SYNM: variants seen among roughly 807,000 people sequenced by gnomAD.
SYNM encodes the protein synemin, also known as desmuslin.
Under a neutral mutation model 104.0 loss-of-function variants are expected in SYNM, and 95 were observed. That is an observed-to-expected ratio of 0.91 (90% CI 0.77 to 1.08). SYNM has a LOEUF of 1.08. Ranked by LOEUF, SYNM falls within the 50% of genes least tolerant of loss-of-function variation. The pLI is 0.00. For missense variants in SYNM, 2,150 were observed against 2,052.2 expected, an observed-to-expected ratio of 1.05 and a Z score of -0.92; for synonymous variants, 918 against 869.0, an observed-to-expected ratio of 1.06 and a Z score of -0.99.
chr15:99,112,899 C>T (rs192711941), intron 1 of SYNM, among the ~76,000 whole-genome samples: 3 of 152,154 alleles, frequency 2.0e-5, no homozygotes, highest in Admixed American at 2.0e-4. Flanking sequence ...TCAGTAGAGA[C>T]AGGGTTTTGC....
rs1203197911 is a variant in SYNM, at chr15:99,105,818, C to T, written c.619C>T (p.Arg207Cys). Reference protein sequence around the residue: ...ETVQLYEDEVRELEEALRRGQ... With the variant: ...ETVQLYEDEVCELEEALRRGQ... Reference sequence around the variant, plus strand: ...GGTGCAGCTGTACGAGGACGAGGTGCGCGAGCTGGAGGAGGCGCTGCGGCG... The same window carrying T: ...GGTGCAGCTGTACGAGGACGAGGTGTGCGAGCTGGAGGAGGCGCTGCGGCG... The change falls in exon 1 of 4, where the codon CGC becomes TGC. Residue 207 changes from arginine to cysteine, a missense_variant. Coordinates refer to ENST00000336292, the MANE Select transcript of SYNM (RefSeq NM_145728.3). The T allele has an allele frequency of 7.1e-6, 11 of 1,542,442 alleles. No homozygotes were observed. The highest frequency in any genetic ancestry group is 1.2e-5 in the South Asian group (1 of 83,556).
rs1159617766 is a variant in SYNM at position 99,133,045 on chromosome 15, G to A, written c.4685G>A (p.Gly1562Glu). 1 of 1,613,390 alleles carries A rather than the reference G, an allele frequency of 6.2e-7. No homozygotes were observed. ...YLDNEEEEND[G>E]HWF ...GACAATGAGGAGGAGGAGAATGATG[G>A]GCATTGGTTTTAATAAGCAGAAACA... The change falls in exon 4 of 4, where the codon GGG (glycine) becomes GAG (glutamate). Residue 1562 changes from glycine to glutamate, a missense_variant. Coordinates refer to ENST00000336292, the MANE Select transcript of SYNM (RefSeq NM_145728.3).
intron 1 of SYNM, 49 bp downstream of exon 1, chr15:99,106,058 C>A: frequency 7.3e-7 from 1 of 1,376,800 alleles, no homozygotes; most frequent in South Asian, 1.7e-5. Flanking sequence ...TGCCGTCGCC[C>A]CAGCACCCTG....
Position 99,128,457 on chromosome 15 carries a change from T to C in SYNM, c.1007-910T>C, listed in dbSNP as rs1193301913. ...CTGAAAAGAGGAGTCTTGTAGAAAATGTCCTGGCCTGGTCTCTTTCCTGTA... is the reference window on the plus strand; with the variant it reads ...CTGAAAAGAGGAGTCTTGTAGAAAACGTCCTGGCCTGGTCTCTTTCCTGTA... On this transcript the variant is annotated intron_variant, in intron 3 of 3. Transcript: ENST00000336292. 3.3e-5 allele frequency among the ~76,000 whole-genome samples: 5 copies of C among 152,192 alleles called. No homozygotes were observed. In the East Asian group the frequency reaches 9.6e-4, roughly 29 times the overall value.
At chr15:99,116,542 G>A (rs547792969) in intron 2 of SYNM, among the ~76,000 whole-genome samples, 5 of 144,140 alleles carry the variant, frequency 3.5e-5, no homozygotes, top group African/African-American at 5.0e-5. Context: ...AGGCTGTACC[G>A]GAATCGTGGT....
rs782392253 is a variant in SYNM, at chr15:99,131,630, G to A, written c.3270G>A (p.Ser1090=). The A allele has an allele frequency of 2.1e-5, 34 of 1,610,574 alleles. No individual in the cohort carries two copies. The highest frequency in any genetic ancestry group is 3.3e-5 in the Admixed American group (2 of 59,870). The change falls in exon 4 of 4, where the codon TCG becomes TCA. Residue 1090 remains serine, a synonymous_variant. Transcript: ENST00000336292. The surrounding 1 kb of genome is among the most constrained non-coding windows in gnomAD (Gnocchi z 4.3). ...TTGCTGGTGGGGCCTCTCACAGCTCGGGACAGCGCACTCCCCAGGGCCCAG... is the reference window on the plus strand; with the variant it reads ...TTGCTGGTGGGGCCTCTCACAGCTCAGGACAGCGCACTCCCCAGGGCCCAG... The part of the protein sequence containing the change: ...SEVAGGASHS[S]GQRTPQGPVS...
intron 2 of SYNM, among the ~76,000 whole-genome samples, chr15:99,119,869 A>G (rs1338784351): frequency 6.6e-6 from 1 of 152,216 alleles, no homozygotes; most frequent in Non-Finnish European, 1.5e-5. Context: ...TGAACATGCG[A>G]CTACATTTGC....
chr15:99,113,771 A>G, intron 2 of SYNM, 56 bp downstream of exon 2: 2 of 1,600,970 alleles, frequency 1.2e-6, no homozygotes, highest in Admixed American at 1.7e-5. Flanking sequence ...TAACTTGCAC[A>G]TGAAGGAAAC....
chr15:99,123,943 C>T (rs1003518791), intron 2 of SYNM, among the ~76,000 whole-genome samples: 2 of 152,268 alleles, frequency 1.3e-5, no homozygotes, highest in Admixed American at 1.3e-4. Flanking sequence ...TAGGGCCTGG[C>T]GCCTGGCCAG....
downstream of SYNM, among the ~76,000 whole-genome samples, chr15:99,135,994 CCTTAT>C (rs782167790): frequency 2.6e-5 from 4 of 152,102 alleles, no homozygotes; most frequent in Non-Finnish European, 5.9e-5. Flanking sequence ...CAGTTGGTTA[CCTTAT>C]AAGTGCAAAT....
intron 2 of SYNM, among the ~76,000 whole-genome samples, chr15:99,124,456 C>G (rs1472377767): frequency 1.3e-5 from 2 of 152,176 alleles, no homozygotes; most frequent in African/African-American, 4.8e-5. Context: ...CTGCTAGGAT[C>G]CGGCCATTGA....
In SYNM at chr15:99,131,179, TCTC is replaced by T. The variant is rs782328068; in HGVS notation, c.2824_2826del (p.Ser942del). On this transcript the variant is annotated inframe_deletion, in exon 4 of 4. Transcript: ENST00000336292. This position sits in a 1 kb window ranked among gnomAD's most constrained non-coding sequence, Gnocchi z 4.3. ...GAATTCCACACCTCCATGAAGGGCA[TCTC>T]CTCCAAGGAGCCCCGGCAGCAGCTG... The T allele has an allele frequency of 5.3e-5, 85 of 1,607,152 alleles. No individual in the cohort carries two copies. Among genetic ancestry groups the T allele is most frequent in the Non-Finnish European group, 6.6e-5 (78 of 1,176,836 alleles).
At position 99,129,691 on chromosome 15, in the gene SYNM, C is replaced by T; in HGVS notation, c.1331C>T (p.Thr444Ile). Residue 444 changes from threonine to isoleucine, a missense_variant, in exon 4 of 4, where the codon ACA becomes ATA. By Grantham distance (89) the Thr-to-Ile change is moderately conservative. Coordinates refer to ENST00000336292, the MANE Select transcript of SYNM (RefSeq NM_145728.3). ...AGAAATACTGAGGCTCAAGTGAAAA[C>T]ATTCCCTGACAGACCAAAAGCCGGA... ...LLRNTEAQVK[T>I]FPDRPKAGDT... is the part of the protein sequence containing the mutation. The T allele has an allele frequency of 6.2e-7, 1 of 1,613,886 alleles. No individual in the cohort carries two copies. The highest frequency in any genetic ancestry group is 8.5e-7 in the Non-Finnish European group (1 of 1,179,892).
Position 99,130,029 on chromosome 15 carries a change from A to G in SYNM, c.1669A>G (p.Met557Val), listed in dbSNP as rs1052814567. The G allele has an allele frequency of 1.9e-6, 3 of 1,613,830 alleles. No individual in the cohort carries two copies. Among genetic ancestry groups the G allele is most frequent in the African/African-American group, 1.3e-5 (1 of 75,048 alleles). Residue 557 changes from methionine to valine, a missense_variant, in exon 4 of 4, where the codon ATG (methionine) becomes GTG (valine). Coordinates refer to ENST00000336292, the MANE Select transcript of SYNM (RefSeq NM_145728.3). ...KEARQRESQQ[M>V]KEKAKEKDSP... ...AGCGAGACAGAGAGAAAGCCAGCAGATGAAGGAGAAGGCTAAGGAGAAGGA... is the reference window on the plus strand; with the variant it reads ...AGCGAGACAGAGAGAAAGCCAGCAGGTGAAGGAGAAGGCTAAGGAGAAGGA...
At chr15:99,140,058 T>C (rs1567304439), downstream of SYNM, 2 of 218,636 alleles carry the variant, frequency 9.1e-6, no homozygotes, top group Non-Finnish European at 1.9e-5. Flanking sequence ...CTTGCTTTAC[T>C]GAATGCCAAA....
intron 2 of SYNM, among the ~76,000 whole-genome samples, chr15:99,126,521 G>A (rs2067449132): frequency 6.6e-6 from 1 of 152,264 alleles, no homozygotes; most frequent in African/African-American, 2.4e-5. Flanking sequence ...AGCAGAGCAG[G>A]TGGCCTGGCC....
intron 2 of SYNM, among the ~76,000 whole-genome samples, chr15:99,121,808 C>G (rs1567279435): frequency 6.6e-6 from 1 of 152,138 alleles, no homozygotes; most frequent in African/African-American, 2.4e-5. Flanking sequence ...CAGGGGTAGA[C>G]AGTGCAGAAA....
chr15:99,125,240 C>T (rs1000350384), intron 2 of SYNM, among the ~76,000 whole-genome samples: 9 of 152,256 alleles, frequency 5.9e-5, no homozygotes, highest in African/African-American at 1.7e-4. Flanking sequence ...CTTCTGCTGC[C>T]GTCATCCTGG....
At chr15:99,115,832 C>G (rs550430043) in intron 2 of SYNM, among the ~76,000 whole-genome samples, 1 of 152,346 alleles carries the variant, frequency 6.6e-6, no homozygotes, top group South Asian at 2.1e-4. Context: ...AAAAGGGTAT[C>G]TGGCTGATAC....
Sources: allele counts gnomAD v4.1 joint callset (sites outside exome capture counted in the v4.1 genomes callset), GRCh38; gene constraint gnomAD v4.1.1; non-coding constraint Gnocchi (gnomAD v3.1); transcripts MANE v1.5; gene names NCBI Gene and HGNC (gene_info 2026-07-23, HGNC 2026-07-21).